PDS5B: variants seen among roughly 807,000 people sequenced by gnomAD.
PDS5B encodes the protein PDS5 cohesin associated factor B.
Under a neutral mutation model 184.1 loss-of-function variants are expected in PDS5B, and 51 were observed. The observed-to-expected ratio is 0.28, with a 90% CI of 0.22 to 0.35. The LOEUF is 0.35. PDS5B is among the 10% of genes least tolerant of loss of function. PDS5B has a pLI of 1.00. For missense variants in PDS5B, 1,180 were observed against 1,723.3 expected (o/e 0.68, Z 5.58); for synonymous variants, 566 against 569.2 (o/e 0.99, Z 0.08).
chr13:32,612,664 T>C (rs1279281780), intron 1 of PDS5B, among the ~76,000 whole-genome samples: 1 of 152,142 alleles, frequency 6.6e-6, no homozygotes, highest in Non-Finnish European at 1.5e-5. Context: ...GAGGGTTGAG[T>C]GAATGGATTA....
chr13:32,704,268 A>G (rs979916726), intron 17 of PDS5B, among the ~76,000 whole-genome samples: 2 of 151,988 alleles, frequency 1.3e-5, no homozygotes, highest in African/African-American at 4.8e-5. Flanking sequence ...TGCTGTGATC[A>G]AGCAATTCTC....
At chr13:32,680,303 A>G (rs1038141633) in intron 10 of PDS5B, among the ~76,000 whole-genome samples, 2 of 152,126 alleles carry the variant, frequency 1.3e-5, no homozygotes, top group South Asian at 2.1e-4. Flanking sequence ...GCTGTAAACT[A>G]TTTGGAACAC....
chr13:32,594,314 C>G (rs2057823114), intron 1 of PDS5B, among the ~76,000 whole-genome samples: 1 of 152,056 alleles, frequency 6.6e-6, no homozygotes, highest in African/African-American at 2.4e-5. Context: ...TTAGAGAATG[C>G]AAAAATGGGA....
At chr13:32,684,376 T>C (rs1951329164) in intron 11 of PDS5B, among the ~76,000 whole-genome samples, 2 of 152,210 alleles carry the variant, frequency 1.3e-5, no homozygotes, top group South Asian at 4.1e-4. Flanking sequence ...CTTTCAGGGC[T>C]GTTGTTATAT....
chr13:32,708,005 C>T (rs577433709), intron 18 of PDS5B, among the ~76,000 whole-genome samples: 3 of 152,146 alleles, frequency 2.0e-5, no homozygotes, highest in South Asian at 2.1e-4. Flanking sequence ...GGCAATACCC[C>T]GGAGTTACTG....
intron 1 of PDS5B, among the ~76,000 whole-genome samples, chr13:32,646,508 AC>A (rs1335464982): frequency 1.3e-5 from 2 of 148,716 alleles, no homozygotes; most frequent in Non-Finnish European, 3.0e-5. Flanking sequence ...TATATGTCTT[AC>A]GGTGGACAAA....
chr13:32,634,739 C>T (rs911020939), intron 1 of PDS5B, among the ~76,000 whole-genome samples: 7 of 151,814 alleles, frequency 4.6e-5, no homozygotes, highest in South Asian at 2.1e-4. Context: ...CCTGCCACTG[C>T]GCCTGGCTAG....
intron 1 of PDS5B, among the ~76,000 whole-genome samples, chr13:32,602,296 G>A (rs1422384092): frequency 6.6e-6 from 1 of 151,962 alleles, no homozygotes; most frequent in East Asian, 1.9e-4. Context: ...CCCACCCTGT[G>A]TCCAAGTGTT....
intron 19 of PDS5B, among the ~76,000 whole-genome samples, chr13:32,731,009 A>G (rs563872681): frequency 6.6e-6 from 1 of 152,296 alleles, no homozygotes; most frequent in African/African-American, 2.4e-5. Context: ...GAGAGAGGGC[A>G]TCCTTGTCTT....
At chr13:32,741,842 A>G (rs1268539468) in intron 22 of PDS5B, among the ~76,000 whole-genome samples, 3 of 152,050 alleles carry the variant, frequency 2.0e-5, no homozygotes, top group African/African-American at 7.2e-5. Context: ...CCACCTTTAC[A>G]TCAATGAATG....
intron 1 of PDS5B, among the ~76,000 whole-genome samples, chr13:32,618,284 A>G (rs1395693544): frequency 1.3e-5 from 2 of 152,226 alleles, no homozygotes; most frequent in Non-Finnish European, 2.9e-5. Flanking sequence ...TACAGATACA[A>G]TGGTCCTACC....
chr13:32,663,235 C>CA (rs368102603), intron 6 of PDS5B, among the ~76,000 whole-genome samples: 23 of 151,914 alleles, frequency 1.5e-4, no homozygotes, highest in African/African-American at 5.3e-4. Flanking sequence ...TCCTAACTTT[C>CA]AGCACACTTC....
intron 1 of PDS5B, among the ~76,000 whole-genome samples, chr13:32,598,099 G>A (rs2057909546): frequency 6.6e-6 from 1 of 151,966 alleles, no homozygotes; most frequent in African/African-American, 2.4e-5. Flanking sequence ...TTTTTGAGAT[G>A]GAGTCTCACT....
intron 12 of PDS5B, 148 bp downstream of exon 12, chr13:32,687,433 C>T: frequency 1.8e-6 from 1 of 568,856 alleles, no homozygotes; most frequent in Non-Finnish European, 3.0e-6. Context: ...GGGCTCATTC[C>T]CACCCAAGCC....
chr13:32,711,921 T>C (rs1006587461), intron 19 of PDS5B, among the ~76,000 whole-genome samples: 1 of 152,232 alleles, frequency 6.6e-6, no homozygotes, highest in Non-Finnish European at 1.5e-5. Flanking sequence ...GCGGTTATTA[T>C]CCTAGTTTTC....
intron 24 of PDS5B, among the ~76,000 whole-genome samples, chr13:32,749,149 T>C (rs949611636): frequency 2.0e-5 from 3 of 152,222 alleles, no homozygotes; most frequent in Non-Finnish European, 4.4e-5. Flanking sequence ...GAGCACACTC[T>C]CCTTTACTTA....
intron 15 of PDS5B, 63 bp downstream of exon 15, chr13:32,696,965 AGT>A: frequency 1.9e-6 from 2 of 1,033,730 alleles, no homozygotes; most frequent in Non-Finnish European, 2.9e-6. Flanking sequence ...TATAATTTTA[AGT>A]GTTTCATGCA....
intron 7 of PDS5B, 32 bp downstream of exon 7, chr13:32,667,876 G>A (rs1293882620): frequency 2.3e-6 from 3 of 1,299,416 alleles, no homozygotes; most frequent in Non-Finnish European, 3.2e-6. Flanking sequence ...TTGTCAGAAG[G>A]ATTAAACTGA....
intron 34 of PDS5B, among the ~76,000 whole-genome samples, chr13:32,774,276 T>G (rs1593671594): frequency 6.6e-6 from 1 of 152,214 alleles, no homozygotes; most frequent in Non-Finnish European, 1.5e-5. Context: ...CTGTCCTGTT[T>G]AATGGAATCA....
Sources: allele counts gnomAD v4.1 joint callset (sites outside exome capture counted in the v4.1 genomes callset), GRCh38; gene constraint gnomAD v4.1.1; transcripts MANE v1.5; gene names NCBI Gene and HGNC (gene_info 2026-07-23, HGNC 2026-07-21).